The following ROBO2 variants were observed in gnomAD, a reference collection of about 807,000 sequenced individuals.
The protein encoded by ROBO2 is roundabout homolog 2.
A neutral mutation model predicts 160.8 loss-of-function variants in ROBO2; 53 were observed. The observed-to-expected ratio is 0.33, with a 90% CI of 0.26 to 0.41. The LOEUF is 0.41. Among genes scored for constraint, ROBO2 ranks in the 10% least tolerant of loss-of-function variants. ROBO2 has a pLI of 1.00. For synonymous variants in ROBO2, 664 were observed against 611.7 expected, an observed-to-expected ratio of 1.09 and a Z score of -1.26; for missense variants, 1,577 against 1,722.4, an observed-to-expected ratio of 0.92 and a Z score of 1.49.
intron 1 of ROBO2, among the ~76,000 whole-genome samples, chr3:77,080,744 G>A (rs1245984355): frequency 6.6e-6 from 1 of 152,112 alleles, no homozygotes; most frequent in Non-Finnish European, 1.5e-5. Flanking sequence ...TTTTCCTGAT[G>A]CATACAACTG....
intron 2 of ROBO2, among the ~76,000 whole-genome samples, chr3:76,594,110 A>G (rs2086594468): frequency 6.6e-6 from 1 of 152,002 alleles, no homozygotes; most frequent in Non-Finnish European, 1.5e-5. Context: ...AGTAGGGGGA[A>G]TATCTAACAT....
At chr3:76,629,148 T>C (rs562933215) in intron 2 of ROBO2, among the ~76,000 whole-genome samples, 1 of 152,170 alleles carries the variant, frequency 6.6e-6, no homozygotes, top group Non-Finnish European at 1.5e-5. Context: ...GCATATCTGG[T>C]TGTGCTCAAT....
intron 1 of ROBO2, among the ~76,000 whole-genome samples, chr3:75,924,040 T>C (rs1452527227): frequency 6.6e-6 from 1 of 150,442 alleles, no homozygotes; most frequent in Non-Finnish European, 1.5e-5. Context: ...TTAAAAATAG[T>C]TTTTTTTAGA....
intron 2 of ROBO2, among the ~76,000 whole-genome samples, chr3:76,507,291 G>A (rs1279522852): frequency 6.6e-6 from 1 of 151,796 alleles, no homozygotes; most frequent in Non-Finnish European, 1.5e-5. Context: ...ATAACACAAT[G>A]AATATGAGTT....
At chr3:76,801,609 C>T (rs532957651) in intron 2 of ROBO2, among the ~76,000 whole-genome samples, 69 of 151,844 alleles carry the variant, frequency 4.5e-4, no homozygotes, top group African/African-American at 1.6e-3. Flanking sequence ...AAGAATATCG[C>T]GGCAGATCTT....
At chr3:76,715,401 T>C (rs924369696) in intron 2 of ROBO2, among the ~76,000 whole-genome samples, 2 of 152,208 alleles carry the variant, frequency 1.3e-5, no homozygotes, top group Non-Finnish European at 1.5e-5. Context: ...TACTTCAGAA[T>C]TGTGGGAGAC....
At position 76,952,369 on chromosome 3, in the gene ROBO2, G is replaced by A. The variant is rs184669124; in HGVS notation, c.110-145645G>A. On this transcript the variant is annotated intron_variant, in intron 2 of 26. Transcript: ENST00000487694. ...ACGATCTTGGCTCACCACAACCTCCGCCTCCCGGGTTCAAGTGATTCTCCT... is the reference window on the plus strand; with the variant it reads ...ACGATCTTGGCTCACCACAACCTCCACCTCCCGGGTTCAAGTGATTCTCCT... 6.8e-4 allele frequency among the ~76,000 whole-genome samples: 103 copies of A among 151,856 alleles called. 1 individual carries two copies. Among genetic ancestry groups the A allele is most frequent in the African/African-American group, 2.3e-3 (95 of 41,422 alleles).
chr3:76,919,041 G>T lies in ROBO2; in HGVS notation c.110-178973G>T, dbSNP rs182166076. 2.8e-3 allele frequency among the ~76,000 whole-genome samples: 416 copies of T among 150,632 alleles called. 3 individuals carry two copies. Among genetic ancestry groups the T allele is most frequent in the Non-Finnish European group, 5.2e-3 (353 of 67,698 alleles). ...CTATTTGTTTCTTTCTTGTAAATTT[G>T]CTTGAGTTCTTTGTAAATTCTGGAT... On this transcript the variant is annotated intron_variant, in intron 2 of 26. Coordinates refer to the ROBO2 transcript ENST00000487694.
At chr3:77,456,738 T>A (rs1324183153) in intron 2 of ROBO2, among the ~76,000 whole-genome samples, 1 of 152,184 alleles carries the variant, frequency 6.6e-6, no homozygotes, top group Non-Finnish European at 1.5e-5. Flanking sequence ...TTTCACTTCA[T>A]CTCAACATGG....
chr3:76,531,737 A>G (rs903448309), intron 2 of ROBO2, among the ~76,000 whole-genome samples: 2 of 151,712 alleles, frequency 1.3e-5, no homozygotes, highest in Non-Finnish European at 1.5e-5. Context: ...TATTTGTTGA[A>G]AAAACAACAA....
chr3:76,270,116 A>G (rs1707341333), intron 2 of ROBO2, among the ~76,000 whole-genome samples: 1 of 152,076 alleles, frequency 6.6e-6, no homozygotes, highest in Non-Finnish European at 1.5e-5. Context: ...TTGAAATAAG[A>G]ATATGTCTTA....
At chr3:75,967,095 C>T (rs1250774978) in intron 2 of ROBO2, among the ~76,000 whole-genome samples, 2 of 151,618 alleles carry the variant, frequency 1.3e-5, no homozygotes, top group East Asian at 3.9e-4. Context: ...AATTTTTACT[C>T]CAAGATAATG....
At chr3:77,244,233 G>A (rs1256085686) in intron 2 of ROBO2, among the ~76,000 whole-genome samples, 2 of 152,066 alleles carry the variant, frequency 1.3e-5, no homozygotes, top group Non-Finnish European at 2.9e-5. Context: ...TTTTAGTGGG[G>A]GAAATTAACA....
chr3:76,554,738 T>C (rs1453104952), intron 2 of ROBO2, among the ~76,000 whole-genome samples: 1 of 152,174 alleles, frequency 6.6e-6, no homozygotes, highest in Non-Finnish European at 1.5e-5. Context: ...TTTAATTGAT[T>C]TAATTTTATT....
intron 2 of ROBO2, among the ~76,000 whole-genome samples, chr3:77,249,042 G>C (rs1373503522): frequency 6.6e-6 from 1 of 151,934 alleles, no homozygotes; most frequent in Non-Finnish European, 1.5e-5. Context: ...AGTAGAGAAG[G>C]GGTTTCTCCA....
At chr3:76,397,631 G>A (rs1428401582) in intron 2 of ROBO2, among the ~76,000 whole-genome samples, 16 of 150,280 alleles carry the variant, frequency 1.1e-4, no homozygotes, top group Non-Finnish European at 1.9e-4. Context: ...TTTACAAGAA[G>A]AAAACAAACA....
intron 1 of ROBO2, among the ~76,000 whole-genome samples, chr3:75,918,783 T>G (rs1946913082): frequency 6.6e-6 from 1 of 152,202 alleles, no homozygotes; most frequent in African/African-American, 2.4e-5. Flanking sequence ...TATTTTGTTT[T>G]CTTTATAGCA....
chr3:76,011,058 T>C (rs555722247), intron 2 of ROBO2, among the ~76,000 whole-genome samples: 3 of 152,306 alleles, frequency 2.0e-5, no homozygotes, highest in East Asian at 3.9e-4. Flanking sequence ...TTTCAAGATA[T>C]AACCTTGAAG....
intron 2 of ROBO2, among the ~76,000 whole-genome samples, chr3:77,125,966 A>G (rs1299677825): frequency 6.6e-6 from 1 of 152,190 alleles, no homozygotes. Context: ...GAGCCTACAA[A>G]TTCAAAACTG....
Sources: allele counts gnomAD v4.1 joint callset (sites outside exome capture counted in the v4.1 genomes callset), GRCh38; gene constraint gnomAD v4.1.1; transcripts MANE v1.5; gene names NCBI Gene and HGNC (gene_info 2026-07-23, HGNC 2026-07-21).